Variants in BICD1 observed in about 807,000 individuals in gnomAD.
BICD1 encodes the protein BICD cargo adaptor 1.
BICD1 carries 35 observed loss-of-function variants against 92.5 expected under a neutral mutation model. That is an observed-to-expected ratio of 0.38 (90% CI 0.29 to 0.50). BICD1 has a LOEUF of 0.50. Among genes scored for constraint, BICD1 ranks in the 20% least tolerant of loss-of-function variants. The probability of loss-of-function intolerance (pLI) is 0.93; values close to 1 mark genes in which losing one functional copy is unlikely to be tolerated. For missense variants in BICD1, 950 were observed against 1,189.8 expected (o/e 0.80, Z 2.97); for synonymous variants, 429 against 465.1 (o/e 0.92, Z 1.00).
chr12:32,231,912 T>G (rs1945904173), intron 2 of BICD1, among the ~76,000 whole-genome samples: 1 of 151,938 alleles, frequency 6.6e-6, no homozygotes, highest in South Asian at 2.1e-4. Flanking sequence ...ACAAAGGACA[T>G]GAACTCATCA....
chr12:32,109,169 C>T (rs993502895), intron 1 of BICD1: 1 of 152,714 alleles, frequency 6.5e-6, no homozygotes, highest in African/African-American at 2.4e-5. Context: ...TGTCATTGCA[C>T]TTACCTTGCA....
chr12:32,197,491 C>T (rs1017542249), intron 1 of BICD1, among the ~76,000 whole-genome samples: 1 of 152,026 alleles, frequency 6.6e-6, no homozygotes, highest in South Asian at 2.1e-4. Flanking sequence ...TAATCAGGCC[C>T]AAAGAAGGAA....
intron 2 of BICD1, among the ~76,000 whole-genome samples, chr12:32,231,261 T>G (rs999943162): frequency 6.6e-6 from 1 of 152,200 alleles, no homozygotes; most frequent in African/African-American, 2.4e-5. Context: ...GGTGAGTGGA[T>G]CACTTAAACC....
chr12:32,171,419 G>A (rs150123395), intron 1 of BICD1, among the ~76,000 whole-genome samples: 8 of 152,302 alleles, frequency 5.3e-5, no homozygotes, highest in East Asian at 3.9e-4. Flanking sequence ...CCTGGGGAGC[G>A]TGGCACTAGG....
intron 1 of BICD1, among the ~76,000 whole-genome samples, chr12:32,117,754 ATATATTT>A (rs1415281086): frequency 1.9e-5 from 2 of 106,130 alleles, no homozygotes; most frequent in East Asian, 2.4e-4. Flanking sequence ...ATATATATAT[ATATATTT>A]TTTTTTAAGA....
intron 2 of BICD1, among the ~76,000 whole-genome samples, chr12:32,280,933 C>T (rs1317661574): frequency 6.6e-6 from 1 of 152,240 alleles, no homozygotes; most frequent in Non-Finnish European, 1.5e-5. Flanking sequence ...GTGGTCAAAT[C>T]AGTTTAGCGA....
intron 3 of BICD1, among the ~76,000 whole-genome samples, chr12:32,299,172 TGTA>T (rs1191055509): frequency 1.3e-5 from 2 of 152,230 alleles, no homozygotes; most frequent in Non-Finnish European, 2.9e-5. Context: ...TTGACCGTCA[TGTA>T]GTTAAAAATA....
At chr12:32,165,578 G>A (rs1477041232) in intron 1 of BICD1, among the ~76,000 whole-genome samples, 1 of 151,856 alleles carries the variant, frequency 6.6e-6, no homozygotes, top group Non-Finnish European at 1.5e-5. Context: ...CCAGCTACTC[G>A]GGAGGCTGAG....
In BICD1 at chr12:32,306,118, T is replaced by C. The variant is rs1231043402; in HGVS notation, c.1001T>C (p.Met334Thr). 2 of 1,593,046 alleles carry C rather than the reference T, an allele frequency of 1.3e-6. No homozygotes were observed. The highest frequency in any genetic ancestry group is 1.7e-6 in the Non-Finnish European group (2 of 1,171,898). The change falls in exon 4 of 10, where the codon ATG becomes ACG. Residue 334 changes from methionine (M) to threonine (T), a missense_variant. Met to Thr is a moderately conservative substitution (Grantham distance 81). This residue lies in a region of BICD1 where 246 missense variants were observed against 258.4 expected (regional missense o/e 0.95). Transcript: ENST00000652176. The stretch of plus-strand genomic sequence containing the variant: ...ATACAGAAGTTGAAGCAGCAGCTTA[T>C]GCAGGTAAGAACTTTGTTTAGGGCC... ...SEIQKLKQQL[M>T]QVEREKAILL... is the part of the protein sequence containing the mutation.
At chr12:32,146,180 A>G (rs765634674) in intron 1 of BICD1, among the ~76,000 whole-genome samples, 4 of 152,222 alleles carry the variant, frequency 2.6e-5, no homozygotes, top group African/African-American at 4.8e-5. Flanking sequence ...TATCAGGCAT[A>G]TTTAGCAGCC....
intron 1 of BICD1, among the ~76,000 whole-genome samples, chr12:32,111,058 G>A (rs1422074505): frequency 1.3e-5 from 2 of 151,984 alleles, no homozygotes; most frequent in African/African-American, 4.8e-5. Context: ...TTGAAAAAGA[G>A]CCCCTTAGAA....
At chr12:32,186,786 C>A (rs1368675784) in intron 1 of BICD1, among the ~76,000 whole-genome samples, 1 of 152,046 alleles carries the variant, frequency 6.6e-6, no homozygotes, top group African/African-American at 2.4e-5. Flanking sequence ...TTGCAAATGT[C>A]GTGCCTCTGC....
rs778361558 is a variant in BICD1 at position 32,377,586 on chromosome 12, T to G, written c.2887T>G (p.Cys963Gly). 1.2e-6 allele frequency: 2 copies of G among 1,614,158 alleles called. No individual in the cohort carries two copies. Among genetic ancestry groups the G allele is most frequent in the Non-Finnish European group, 1.7e-6 (2 of 1,180,018 alleles). The change falls in exon 10 of 10, where the codon TGC (cysteine) becomes GGC (glycine). Residue 963 changes from cysteine (C) to glycine (G), a missense_variant. Around this residue, in one of 5 missense-constraint regions of BICD1, gnomAD observed 179 missense variants for 186.7 expected, o/e 0.96. Coordinates refer to ENST00000652176, the MANE Select transcript of BICD1 (RefSeq NM_001714.4). ...GGAGCAGCCACATTCCAGCTCCCAG[T>G]GCGCCCCTCTCCACTGTCTCTCCAA... ...PEEQPHSSSQ[C>G]APLHCLSKPP...
chr12:32,222,249 T>A (rs141130941), intron 2 of BICD1, among the ~76,000 whole-genome samples: 7 of 152,298 alleles, frequency 4.6e-5, no homozygotes, highest in African/African-American at 1.7e-4. Flanking sequence ...ATGCAGAAGA[T>A]TGGAGTTATC....
At position 32,311,637 on chromosome 12, in the gene BICD1, A is replaced by G. The variant is rs116223913; in HGVS notation, c.1005+5515A>G. Among the ~76,000 whole-genome samples the G allele has an allele frequency of 6.0e-3, 920 of 152,340 alleles. 8 individuals carry two copies. The highest frequency in any genetic ancestry group is 0.02 in the African/African-American group (849 of 41,578). On this transcript the variant is annotated intron_variant, in intron 4 of 9. Transcript: ENST00000652176. ...GAGTTTGTCTGAAGGCGTGGGATCAATGGAAAGAAAATGTTCAGGTTAAGA... is the reference window on the plus strand; with the variant it reads ...GAGTTTGTCTGAAGGCGTGGGATCAGTGGAAAGAAAATGTTCAGGTTAAGA...
chr12:32,137,836 C>T (rs1189870368), intron 1 of BICD1, among the ~76,000 whole-genome samples: 1 of 151,838 alleles, frequency 6.6e-6, no homozygotes, highest in East Asian at 1.9e-4. Flanking sequence ...CTCCTTCTGT[C>T]TCCTAGGCTG....
chr12:32,320,565 T>C (rs60221824), intron 4 of BICD1, among the ~76,000 whole-genome samples: 37,900 of 151,898 alleles, frequency 0.25, 5,157 homozygotes, highest in East Asian at 0.6. Flanking sequence ...TTGCTTGAAC[T>C]GGGAGGCAGA....
chr12:32,126,360 G>A (rs1942338601), intron 1 of BICD1, among the ~76,000 whole-genome samples: 1 of 151,944 alleles, frequency 6.6e-6, no homozygotes, highest in Admixed American at 6.6e-5. Flanking sequence ...CTTAAGATTA[G>A]AATGAGAGTG....
intron 1 of BICD1, among the ~76,000 whole-genome samples, chr12:32,113,863 C>T (rs1941790096): frequency 6.6e-6 from 1 of 151,782 alleles, no homozygotes; most frequent in African/African-American, 2.4e-5. Flanking sequence ...GTGCCTGCCA[C>T]CATGCCTGAA....
Sources: allele counts gnomAD v4.1 joint callset (sites outside exome capture counted in the v4.1 genomes callset), GRCh38; gene constraint gnomAD v4.1.1; regional missense constraint gnomAD v4.1.1; transcripts MANE v1.5; gene names NCBI Gene and HGNC (gene_info 2026-07-23, HGNC 2026-07-21).